PLXNA2: variants seen among roughly 807,000 people sequenced by gnomAD.
PLXNA2 encodes the protein plexin-A2.
Under a neutral mutation model 193.5 loss-of-function variants are expected in PLXNA2, and 91 were observed. The observed-to-expected ratio is 0.47, with a 90% CI of 0.40 to 0.56. The LOEUF is 0.56. Ranked by LOEUF, PLXNA2 falls within the 20% of genes least tolerant of loss-of-function variation. The pLI, the probability that PLXNA2 is intolerant of heterozygous loss-of-function variation, is 0.00. For missense variants in PLXNA2, 1,995 were observed against 2,503.2 expected (o/e 0.80, Z 4.33); for synonymous variants, 997 against 1,027.3 (o/e 0.97, Z 0.56).
chr1:208,029,590 G>A, intron 29 of PLXNA2: 2 of 990,606 alleles, frequency 2.0e-6, no homozygotes, highest in Non-Finnish European at 1.2e-6. Context: ...CCTGGGGGAA[G>A]TTCTTTCATG....
At chr1:208,042,003 G>T in intron 22 of PLXNA2, 95 bp downstream of exon 22, 2 of 1,318,594 alleles carry the variant, frequency 1.5e-6, no homozygotes, top group Non-Finnish European at 2.1e-6. Flanking sequence ...TGGGGAGTGG[G>T]CCTTCTCATG....
At chr1:208,213,538 C>T (rs1671030095) in intron 2 of PLXNA2, among the ~76,000 whole-genome samples, 1 of 152,200 alleles carries the variant, frequency 6.6e-6, no homozygotes, top group South Asian at 2.1e-4. Flanking sequence ...AATTGCCAAG[C>T]TTAGCCTTTA....
Position 208,051,061 on chromosome 1 carries a change from A to G in PLXNA2, c.3203T>C (p.Val1068Ala). 2 of 1,614,078 alleles carry G rather than the reference A, an allele frequency of 1.2e-6. No individual in the cohort carries two copies. The highest frequency in any genetic ancestry group is 1.7e-6 in the Non-Finnish European group (2 of 1,179,946). The change falls in exon 17 of 32, where the codon GTC (valine) becomes GCC (alanine). Residue 1068 changes from valine to alanine, a missense_variant. By Grantham distance (64) the Val-to-Ala change is moderately conservative. Coordinates refer to ENST00000367033, the MANE Select transcript of PLXNA2 (RefSeq NM_025179.4). The stretch of plus-strand genomic sequence containing the variant: ...GACTCGGATCCTTGGCTCCTGAATG[A>G]CATCCAGGTTGAAGCCTGTGATGGT... ...PLTITGFNLD[V>A]IQEPRIRVKF...
At chr1:208,030,080 A>C (rs1571838977) in intron 29 of PLXNA2, 2 of 985,388 alleles carry the variant, frequency 2.0e-6, no homozygotes, top group Non-Finnish European at 2.4e-6. Flanking sequence ...GATCTGCTTT[A>C]CCCAGCCTCA....
chr1:208,187,367 CA>C (rs1283585413), intron 3 of PLXNA2, among the ~76,000 whole-genome samples: 1 of 152,162 alleles, frequency 6.6e-6, no homozygotes, highest in Non-Finnish European at 1.5e-5. Flanking sequence ...GTTTTTGTTA[CA>C]TAGCCCAGAG....
chr1:208,094,674 A>C (rs951832963), intron 8 of PLXNA2, among the ~76,000 whole-genome samples: 4 of 152,306 alleles, frequency 2.6e-5, no homozygotes, highest in African/African-American at 9.6e-5. Flanking sequence ...GTTAGAGGGC[A>C]GCTTTGTCTA....
intron 1 of PLXNA2, among the ~76,000 whole-genome samples, chr1:208,241,992 A>T (rs1267274066): frequency 6.6e-6 from 1 of 152,104 alleles, no homozygotes; most frequent in Non-Finnish European, 1.5e-5. Context: ...CCAGGTAATT[A>T]GTTCAAATGG....
chr1:208,096,747 A>T lies in PLXNA2; in HGVS notation c.1868T>A (p.Val623Asp), dbSNP rs752647007. 3.7e-6 allele frequency: 6 copies of T among 1,614,152 alleles called. No individual in the cohort carries two copies. The highest frequency in any genetic ancestry group is 4.2e-6 in the Non-Finnish European group (5 of 1,180,036). ...TTTCTTACCTTGATCCAGCGGGATG[A>T]CAGGGACATCCTTGGGCCCAGGTGA... ...CISPGPKDVP[V>D]IPLDQDWFGL... The change falls in exon 7 of 32, where the codon GTC becomes GAC. Residue 623 changes from valine to aspartate, a missense_variant. Transcript: ENST00000367033.
chr1:208,039,806 T>C (rs1424506739), intron 23 of PLXNA2, 39 bp from the exon 24 acceptor site: 1 of 1,613,184 alleles, frequency 6.2e-7, no homozygotes, highest in South Asian at 1.1e-5. Flanking sequence ...GGGCACGGCC[T>C]CCTCAGGTTT....
intron 24 of PLXNA2, among the ~76,000 whole-genome samples, chr1:208,039,196 A>T (rs578221445): frequency 2.6e-5 from 4 of 152,082 alleles, no homozygotes; most frequent in African/African-American, 9.7e-5. Context: ...TCTTTCTCAA[A>T]GCACCAGGAC....
At chr1:208,093,023 G>T (rs1666765990) in intron 8 of PLXNA2, 123 bp from the exon 9 acceptor site, 3 of 620,822 alleles carry the variant, frequency 4.8e-6, no homozygotes, top group Admixed American at 2.5e-5. Context: ...AGGGAAGACT[G>T]GTGGGCCATC....
At chr1:208,208,782 C>A (rs1243774238) in intron 3 of PLXNA2, among the ~76,000 whole-genome samples, 1 of 152,182 alleles carries the variant, frequency 6.6e-6, no homozygotes, top group African/African-American at 2.4e-5. Flanking sequence ...GATGTTTATA[C>A]CACAGGGTAC....
At chr1:208,100,125 G>A (rs1039109290) in intron 5 of PLXNA2, among the ~76,000 whole-genome samples, 5 of 152,018 alleles carry the variant, frequency 3.3e-5, no homozygotes, top group African/African-American at 1.2e-4. Flanking sequence ...TGTAATCCCA[G>A]CACTTTGGGA....
chr1:208,184,032 T>C (rs1293551957), intron 3 of PLXNA2, among the ~76,000 whole-genome samples: 10 of 152,232 alleles, frequency 6.6e-5, no homozygotes, highest in African/African-American at 1.9e-4. Flanking sequence ...GCTATTGTAT[T>C]GAACAGCACA....
chr1:208,206,763 T>C (rs1037195225), intron 3 of PLXNA2, among the ~76,000 whole-genome samples: 2 of 148,010 alleles, frequency 1.4e-5, no homozygotes, highest in African/African-American at 2.5e-5. Flanking sequence ...ATTGCACATA[T>C]AGGTTTTTTT....
rs1465654465 is a variant in PLXNA2, at chr1:208,025,832, T to A, written c.*1411A>T. 3 of 152,346 alleles carry A rather than the reference T, an allele frequency of 2.0e-5. No individual in the cohort carries two copies. Among genetic ancestry groups the A allele is most frequent in the African/African-American group, 7.2e-5 (3 of 41,410 alleles). 9.4% of individuals were successfully genotyped at this position (152,346 alleles called of 1,614,324 possible). A position where few individuals can be genotyped will look rare whatever the true frequency, so the allele number is the denominator to read the frequency against. ...CAGAGAAGGAAAGTCCAGTGAGAAG[T>A]CATCCACTTGTCCTTCACACTCACA... On this transcript the variant is annotated 3_prime_UTR_variant, in exon 32 of 32. Coordinates refer to ENST00000367033, the MANE Select transcript of PLXNA2 (RefSeq NM_025179.4).
chr1:208,214,234 A>G (rs576556715), intron 2 of PLXNA2, among the ~76,000 whole-genome samples: 2 of 152,356 alleles, frequency 1.3e-5, no homozygotes, highest in South Asian at 4.1e-4. Flanking sequence ...ATTAATAATC[A>G]TAGCGGCCCA....
At chr1:208,116,466 T>C (rs1229171433) in intron 4 of PLXNA2, among the ~76,000 whole-genome samples, 2 of 152,260 alleles carry the variant, frequency 1.3e-5, no homozygotes, top group Non-Finnish European at 2.9e-5. Context: ...AAATGCACTA[T>C]GCTAAAGTTC....
In PLXNA2 at chr1:208,028,274, AT is replaced by A; in HGVS notation, c.5439-116del. ...TGTACCCAGTTGCTCCTGCCTCCCT[AT>A]TTCTCTTCTGATGTGGCTTCCTCTG... On this transcript the variant is annotated intron_variant, in intron 30 of 31. Coordinates refer to ENST00000367033, the MANE Select transcript of PLXNA2 (RefSeq NM_025179.4). The surrounding 1 kb of genome is among the most constrained non-coding windows in gnomAD (Gnocchi z 4.2). The A allele has an allele frequency of 1.1e-6, 1 of 947,402 alleles. No individual in the cohort carries two copies. The highest frequency in any genetic ancestry group is 1.9e-5 in the South Asian group (1 of 52,226). The allele number at this position is 947,402 out of a possible 1,614,324, so 58.7% of individuals were successfully genotyped here.
Sources: gnomAD v4.1 joint callset for allele counts (sites outside exome capture counted in the v4.1 genomes callset) on GRCh38, gnomAD v4.1.1 for gene constraint, Gnocchi (gnomAD v3.1) non-coding constraint, MANE v1.5 for transcripts, NCBI Gene and HGNC (gene_info 2026-07-23, HGNC 2026-07-21) for gene names.